GRM4: variants seen among roughly 807,000 people sequenced by gnomAD.
The protein encoded by GRM4 is glutamate metabotropic receptor 4.
Under a neutral mutation model 81.7 loss-of-function variants are expected in GRM4, and 28 were observed. That is an observed-to-expected ratio of 0.34 (90% CI 0.25 to 0.47). The LOEUF is 0.47. GRM4 is among the 20% of genes least tolerant of loss of function. The probability of loss-of-function intolerance (pLI) is 1.00; values close to 1 mark genes in which losing one functional copy is unlikely to be tolerated. For synonymous variants in GRM4, 488 were observed against 528.8 expected (o/e 0.92, Z 1.06); for missense variants, 948 against 1,290.0 (o/e 0.73, Z 4.06).
At chr6:34,073,799 C>A (rs1323949157) in intron 3 of GRM4, among the ~76,000 whole-genome samples, 6 of 152,170 alleles carry the variant, frequency 3.9e-5, no homozygotes, top group African/African-American at 1.4e-4. Flanking sequence ...CCCACGGAGG[C>A]CCTGCGAGGC....
rs1396827414 is a variant in GRM4 at position 34,069,205 on chromosome 6, C to T, written c.737-7177G>A. Among the ~76,000 whole-genome samples, 1 of 101,904 alleles carries T rather than the reference C, an allele frequency of 9.8e-6. No homozygotes were observed. Among genetic ancestry groups the T allele is most frequent in the African/African-American group, 5.7e-5 (1 of 17,578 alleles). 66.9% of individuals were successfully genotyped at this position (101,904 alleles called of 152,430 possible). On this transcript the variant is annotated intron_variant, in intron 3 of 10. Transcript: ENST00000538487. The surrounding 1 kb of genome is among the most constrained non-coding windows in gnomAD (Gnocchi z 6.4). ...ACACACACACACACACACACACACA[C>T]GCACGCACACACGGCTCCTTCCTTC...
intron 3 of GRM4, among the ~76,000 whole-genome samples, chr6:34,085,016 C>T (rs954993664): frequency 5.3e-5 from 8 of 152,212 alleles, no homozygotes; most frequent in Admixed American, 2.0e-4. Context: ...CATGGCTCCT[C>T]TCATGCCCAC....
At chr6:34,079,328 A>G (rs1767469450) in intron 3 of GRM4, among the ~76,000 whole-genome samples, 1 of 152,028 alleles carries the variant, frequency 6.6e-6, no homozygotes, top group Non-Finnish European at 1.5e-5. Flanking sequence ...GGTCTCTCCC[A>G]TCACTGCTCC....
intron 9 of GRM4, among the ~76,000 whole-genome samples, chr6:34,030,389 G>A (rs777854217): frequency 9.9e-5 from 15 of 152,194 alleles, no homozygotes; most frequent in Admixed American, 2.0e-4. Flanking sequence ...CTTGTTGATG[G>A]GTGCAGTGCA....
At chr6:34,103,640 C>T (rs759741837) in intron 2 of GRM4, 13 of 1,535,420 alleles carry the variant, frequency 8.5e-6, no homozygotes, top group Admixed American at 2.0e-5. Flanking sequence ...TGGGGGAGGC[C>T]GGGAGGAGCC....
At chr6:34,028,030 C>A (rs534798189) in intron 10 of GRM4, 90 bp downstream of exon 10, 6 of 1,380,168 alleles carry the variant, frequency 4.3e-6, no homozygotes, top group Non-Finnish European at 4.9e-6. Context: ...CGGGGCAGGG[C>A]GGGGTGGGGA....
At chr6:34,140,286 G>T (rs1190315512) in intron 1 of GRM4, among the ~76,000 whole-genome samples, 1 of 152,004 alleles carries the variant, frequency 6.6e-6, no homozygotes. Context: ...GTTCGAGAAT[G>T]AGCAAGGAGG....
intron 10 of GRM4, chr6:34,024,297 T>C: frequency 5.0e-6 from 1 of 201,710 alleles, no homozygotes; most frequent in Non-Finnish European, 1.0e-5. Context: ...AATGGGTCTT[T>C]CCCCCATGCG....
chr6:34,140,054 C>T (rs1004749401), intron 1 of GRM4, among the ~76,000 whole-genome samples: 4 of 151,626 alleles, frequency 2.6e-5, no homozygotes, highest in African/African-American at 7.3e-5. Flanking sequence ...GGGGATCAGG[C>T]GATATGAAAA....
intron 2 of GRM4, among the ~76,000 whole-genome samples, chr6:34,109,036 A>G (rs1465466170): frequency 6.6e-6 from 1 of 152,194 alleles, no homozygotes; most frequent in East Asian, 1.9e-4. Context: ...ACTCGGGGTG[A>G]GGACCTGGGG....
upstream of GRM4, among the ~76,000 whole-genome samples, chr6:34,147,863 A>G (rs888726710): frequency 1.3e-5 from 2 of 152,140 alleles, no homozygotes; most frequent in African/African-American, 2.4e-5. Context: ...AGCCACTGAA[A>G]TTTTTAACAC....
At chr6:34,108,587 T>C (rs753221947) in intron 2 of GRM4, among the ~76,000 whole-genome samples, 3 of 152,166 alleles carry the variant, frequency 2.0e-5, no homozygotes, top group Admixed American at 6.5e-5. Flanking sequence ...CCTATGATCC[T>C]CAGCCCAGAA....
In GRM4 at chr6:34,101,687, A is replaced by C. The variant is rs74523354; in HGVS notation, c.520-9588T>G. 4.6e-3 allele frequency among the ~76,000 whole-genome samples: 706 copies of C among 152,364 alleles called. 3 individuals carry two copies. The highest frequency in any genetic ancestry group is 0.016 in the African/African-American group (679 of 41,576). On this transcript the variant is annotated intron_variant, in intron 2 of 10. Coordinates refer to ENST00000538487, the MANE Select transcript of GRM4 (RefSeq NM_000841.4). ...GGCTGAAGTGGCCCACTCGTCTCCA[A>C]CACAAAAGATCGGGCAGGAGCCCTG...
At chr6:34,100,175 GC>G in intron 2 of GRM4, 1 of 337,136 alleles carries the variant, frequency 3.0e-6, no homozygotes, top group Non-Finnish European at 4.2e-6. Flanking sequence ...CCCACCTTGG[GC>G]CAGCCCAGAC....
At chr6:34,137,316 C>A (rs781357372) in intron 1 of GRM4, among the ~76,000 whole-genome samples, 16 of 152,232 alleles carry the variant, frequency 1.1e-4, no homozygotes, top group Non-Finnish European at 1.9e-4. Flanking sequence ...GGAATGAGAG[C>A]CCTGAGGGGC....
At chr6:34,100,646 A>C (rs181764768) in intron 2 of GRM4, among the ~76,000 whole-genome samples, 2 of 152,348 alleles carry the variant, frequency 1.3e-5, no homozygotes, top group Admixed American at 6.5e-5. Flanking sequence ...TCCGAGTGGG[A>C]GAGACAATCA....
chr6:34,072,821 C>T (rs368904698), intron 3 of GRM4, among the ~76,000 whole-genome samples: 12,278 of 92,708 alleles, frequency 0.13, 1,003 homozygotes, highest in African/African-American at 0.28. Context: ...CCACACACAA[C>T]CACACATCAC....
chr6:34,132,941 G>C, intron 2 of GRM4, 37 bp downstream of exon 2: 1 of 1,534,848 alleles, frequency 6.5e-7, no homozygotes, highest in Non-Finnish European at 8.8e-7. Flanking sequence ...AGTCCGTTGG[G>C]GGAAGAGCAC....
chr6:34,101,903 A>G (rs1269930389), intron 2 of GRM4: 1 of 858,272 alleles, frequency 1.2e-6, no homozygotes, highest in Non-Finnish European at 1.8e-6. Context: ...GCTGCCAGAG[A>G]GTGATCTCGT....
Sources: allele counts gnomAD v4.1 joint callset (sites outside exome capture counted in the v4.1 genomes callset), GRCh38; gene constraint gnomAD v4.1.1; non-coding constraint Gnocchi (gnomAD v3.1); transcripts MANE v1.5; gene names NCBI Gene and HGNC (gene_info 2026-07-23, HGNC 2026-07-21).